Variants in PDE4D observed in about 807,000 individuals in gnomAD.
The protein encoded by PDE4D is 3',5'-cyclic-AMP phosphodiesterase 4D.
Under a neutral mutation model 87.4 loss-of-function variants are expected in PDE4D, and 24 were observed. That is an observed-to-expected ratio of 0.27 (90% CI 0.20 to 0.39). PDE4D has a LOEUF of 0.39. Ranked by LOEUF, PDE4D falls within the 10% of genes least tolerant of loss-of-function variation. The pLI is 1.00. For missense variants in PDE4D, 714 were observed against 1,041.0 expected, an observed-to-expected ratio of 0.69 and a Z score of 4.32; for synonymous variants, 384 against 383.2, an observed-to-expected ratio of 1.00 and a Z score of -0.02.
intron 1 of PDE4D, among the ~76,000 whole-genome samples, chr5:59,386,510 C>A (rs960057210): frequency 6.6e-6 from 1 of 150,642 alleles, no homozygotes; most frequent in Non-Finnish European, 1.5e-5. Flanking sequence ...TCAGAGTAAG[C>A]CATGTTTTAG....
chr5:60,310,769 T>C (rs1754954448), intron 1 of PDE4D, among the ~76,000 whole-genome samples: 1 of 152,248 alleles, frequency 6.6e-6, no homozygotes, highest in African/African-American at 2.4e-5. Flanking sequence ...GGAATATTTC[T>C]GTAGTCTCTA....
At chr5:58,993,313 C>T in intron 7 of PDE4D, 59 bp downstream of exon 7, 2 of 1,018,056 alleles carry the variant, frequency 2.0e-6, no homozygotes, top group Non-Finnish European at 2.9e-6. Context: ...AATCCTCCTA[C>T]AAAAACAAAC....
At position 59,077,155 on chromosome 5, in the gene PDE4D, TTA is replaced by T. The variant is rs1471348035; in HGVS notation, c.809-38186_809-38185del. Among the ~76,000 whole-genome samples, 8 of 152,274 alleles carry T rather than the reference TTA, an allele frequency of 5.3e-5. No individual in the cohort carries two copies. In the East Asian group the frequency reaches 1.5e-3, roughly 29 times the overall value. On this transcript the variant is annotated intron_variant, in intron 5 of 14. Transcript: ENST00000340635. ...CTTGTCTGTAAAGCTGTAATAGCTT[TTA>T]GAGTGCTCTTCTGAATATTAAAAAG...
intron 1 of PDE4D, among the ~76,000 whole-genome samples, chr5:59,427,228 T>C (rs1795389262): frequency 6.8e-6 from 1 of 146,558 alleles, no homozygotes; most frequent in Non-Finnish European, 1.5e-5. Flanking sequence ...TTGATCCAAA[T>C]GAATAACAGA....
At chr5:60,286,527 T>C (rs1210922505) in intron 1 of PDE4D, among the ~76,000 whole-genome samples, 2 of 144,244 alleles carry the variant, frequency 1.4e-5, no homozygotes, top group African/African-American at 2.4e-5. Flanking sequence ...AAACCACAGA[T>C]AATATGATGT....
chr5:60,325,831 C>A (rs1756732786), intron 1 of PDE4D, among the ~76,000 whole-genome samples: 1 of 151,734 alleles, frequency 6.6e-6, no homozygotes, highest in African/African-American at 2.4e-5. Flanking sequence ...CCTTCTTAAT[C>A]CCTAGCAACT....
intron 2 of PDE4D, among the ~76,000 whole-genome samples, chr5:60,088,656 A>G (rs889999096): frequency 6.6e-6 from 1 of 152,018 alleles, no homozygotes; most frequent in Non-Finnish European, 1.5e-5. Context: ...AACCTATTAT[A>G]GATACACTAA....
chr5:60,144,204 T>C (rs1327382377), intron 2 of PDE4D, among the ~76,000 whole-genome samples: 1 of 152,216 alleles, frequency 6.6e-6, no homozygotes, highest in African/African-American at 2.4e-5. Flanking sequence ...GAGAGCTAGC[T>C]GTCTGGCTCT....
chr5:60,464,100 A>G (rs956288427), intron 1 of PDE4D, among the ~76,000 whole-genome samples: 2 of 152,118 alleles, frequency 1.3e-5, no homozygotes, highest in African/African-American at 4.8e-5. Flanking sequence ...GTGATTCTCA[A>G]TGGAGGTCCA....
intron 1 of PDE4D, among the ~76,000 whole-genome samples, chr5:59,716,132 G>A (rs569669998): frequency 2.6e-5 from 4 of 152,282 alleles, no homozygotes; most frequent in South Asian, 4.1e-4. Flanking sequence ...GCAGACATCC[G>A]GTCCAGCATG....
At chr5:60,209,891 A>G (rs560924685) in intron 1 of PDE4D, among the ~76,000 whole-genome samples, 4 of 152,244 alleles carry the variant, frequency 2.6e-5, no homozygotes, top group Non-Finnish European at 5.9e-5. Flanking sequence ...TTGAGAATTT[A>G]ATAAAAGCTA....
intron 1 of PDE4D, among the ~76,000 whole-genome samples, chr5:59,736,089 T>G (rs1259215125): frequency 6.6e-6 from 1 of 151,768 alleles, no homozygotes; most frequent in Non-Finnish European, 1.5e-5. Flanking sequence ...ATGTATAACA[T>G]TGTGCACATG....
At chr5:59,891,281 C>T (rs1750917685) in intron 1 of PDE4D, among the ~76,000 whole-genome samples, 2 of 152,318 alleles carry the variant, frequency 1.3e-5, no homozygotes, top group Middle Eastern at 3.4e-3. Context: ...CAGGCATATT[C>T]TATTTTATTA....
intron 1 of PDE4D, among the ~76,000 whole-genome samples, chr5:59,841,936 G>A (rs1743075412): frequency 1.3e-5 from 2 of 152,036 alleles, no homozygotes; most frequent in Non-Finnish European, 2.9e-5. Flanking sequence ...AGTGGGAGGT[G>A]TCAAAAGGTG....
intron 1 of PDE4D, chr5:59,797,169 G>A (rs1476053831): frequency 6.8e-6 from 1 of 147,560 alleles, no homozygotes; most frequent in Non-Finnish European, 1.5e-5. Context: ...CAAGTCAGAA[G>A]TTGTGAAGCT....
Position 59,024,038 on chromosome 5 carries a change from A to G in PDE4D, c.921+14821T>C, listed in dbSNP as rs866786372. 3.3e-5 allele frequency among the ~76,000 whole-genome samples: 5 copies of G among 150,338 alleles called. No individual in the cohort carries two copies. The Middle Eastern group carries it at 0.017, about 518-fold the overall frequency. ...CTGCTCAGCCTCCCGAGTAGCTGAG[A>G]TAACAGACATGCACCACCACACCTG... On this transcript the variant is annotated intron_variant, in intron 6 of 14. Transcript: ENST00000340635.
chr5:59,729,290 A>G (rs543608929), intron 1 of PDE4D, among the ~76,000 whole-genome samples: 24 of 152,232 alleles, frequency 1.6e-4, no homozygotes, highest in Non-Finnish European at 2.8e-4. Flanking sequence ...ATCTACTCCA[A>G]TGGTTCTGAA....
At chr5:59,947,565 T>C (rs1173399825) in intron 3 of PDE4D, among the ~76,000 whole-genome samples, 1 of 152,154 alleles carries the variant, frequency 6.6e-6, no homozygotes, top group Non-Finnish European at 1.5e-5. Flanking sequence ...AAGAGAAAAC[T>C]GAAACTTGTA....
At chr5:60,390,683 G>GA (rs1205944542) in intron 1 of PDE4D, among the ~76,000 whole-genome samples, 2 of 150,736 alleles carry the variant, frequency 1.3e-5, no homozygotes, top group African/African-American at 4.9e-5. Context: ...CAGCTGAGGA[G>GA]AAAATCTCCA....
Sources: allele counts gnomAD v4.1 joint callset (sites outside exome capture counted in the v4.1 genomes callset), GRCh38; gene constraint gnomAD v4.1.1; transcripts MANE v1.5; gene names NCBI Gene and HGNC (gene_info 2026-07-23, HGNC 2026-07-21).